Variants in DDX10 observed in about 807,000 individuals in gnomAD.
The protein encoded by DDX10 is DEAD-box helicase 10, also known as probable ATP-dependent RNA helicase DDX10.
A neutral mutation model predicts 104.3 loss-of-function variants in DDX10; 74 were observed. That is an observed-to-expected ratio of 0.71 (90% CI 0.59 to 0.86). The LOEUF (loss-of-function observed/expected upper bound fraction) is 0.86, where lower values mean the gene tolerates loss of function less well. Ranked by LOEUF, DDX10 falls within the 40% of genes least tolerant of loss-of-function variation. The pLI is 0.00. For missense variants in DDX10, 952 were observed against 1,040.0 expected, an observed-to-expected ratio of 0.92 and a Z score of 1.16; for synonymous variants, 351 against 353.4, an observed-to-expected ratio of 0.99 and a Z score of 0.08.
At chr11:108,754,356 A>T (rs1174368404) in intron 13 of DDX10, among the ~76,000 whole-genome samples, 1 of 152,002 alleles carries the variant, frequency 6.6e-6, no homozygotes, top group Non-Finnish European at 1.5e-5. Flanking sequence ...GGCAGTGCTT[A>T]ATTTTTAAGG....
At chr11:108,840,212 T>C (rs537487850) in intron 14 of DDX10, among the ~76,000 whole-genome samples, 2 of 152,300 alleles carry the variant, frequency 1.3e-5, no homozygotes, top group South Asian at 2.1e-4. Context: ...CTCAGTGATA[T>C]TTATCAACCC....
At chr11:108,676,814 T>C (rs568045713) in intron 3 of DDX10, among the ~76,000 whole-genome samples, 1 of 152,318 alleles carries the variant, frequency 6.6e-6, no homozygotes, top group Admixed American at 6.5e-5. Flanking sequence ...GTCTTTGGGT[T>C]GTACATACCT....
At chr11:108,853,758 C>T (rs956158731) in intron 16 of DDX10, among the ~76,000 whole-genome samples, 15 of 152,150 alleles carry the variant, frequency 9.9e-5, no homozygotes, top group African/African-American at 3.4e-4. Flanking sequence ...ACTCTTCCTT[C>T]CATTTCCCAC....
intron 13 of DDX10, among the ~76,000 whole-genome samples, chr11:108,724,077 ATG>A (rs1295020834): frequency 6.6e-6 from 1 of 152,084 alleles, no homozygotes; most frequent in African/African-American, 2.4e-5. Context: ...TGCACAGTAA[ATG>A]TGTTTCCCCT....
chr11:108,848,607 A>G (rs972388209), intron 15 of DDX10, among the ~76,000 whole-genome samples: 1 of 152,016 alleles, frequency 6.6e-6, no homozygotes, highest in East Asian at 1.9e-4. Context: ...TACTCTCATG[A>G]GCTTATAACA....
At chr11:108,820,377 G>C (rs189274644) in intron 13 of DDX10, among the ~76,000 whole-genome samples, 2 of 152,202 alleles carry the variant, frequency 1.3e-5, no homozygotes, top group Non-Finnish European at 2.9e-5. Flanking sequence ...GCCAGGATCA[G>C]GTAGGGGAAG....
intron 16 of DDX10, among the ~76,000 whole-genome samples, chr11:108,907,721 A>G (rs2134654664): frequency 6.6e-6 from 1 of 152,324 alleles, no homozygotes; most frequent in Admixed American, 6.5e-5. Context: ...GTAGGGGATC[A>G]AAGTTGGGGT....
intron 13 of DDX10, among the ~76,000 whole-genome samples, chr11:108,816,874 G>C (rs1260819820): frequency 6.6e-6 from 1 of 152,002 alleles, no homozygotes; most frequent in South Asian, 2.1e-4. Flanking sequence ...CCTTCTAGTT[G>C]GTTTTCTTTT....
intron 13 of DDX10, among the ~76,000 whole-genome samples, chr11:108,744,132 T>C (rs1342471563): frequency 1.3e-5 from 2 of 152,192 alleles, no homozygotes; most frequent in East Asian, 1.9e-4. Flanking sequence ...TTTATACTTA[T>C]ATTCCCATTA....
At chr11:108,920,305 A>G (rs534608622) in intron 17 of DDX10, 1 of 152,322 alleles carries the variant, frequency 6.6e-6, no homozygotes, top group South Asian at 2.1e-4. Context: ...TTATATGAAA[A>G]TTAAAACAGT....
At chr11:108,840,541 G>A (rs961551562) in intron 14 of DDX10, among the ~76,000 whole-genome samples, 11 of 152,202 alleles carry the variant, frequency 7.2e-5, no homozygotes, top group African/African-American at 1.7e-4. Flanking sequence ...AATTTATTTC[G>A]CATTACATAG....
chr11:108,925,607 G>A (rs1863898122), intron 17 of DDX10, among the ~76,000 whole-genome samples: 1 of 152,130 alleles, frequency 6.6e-6, no homozygotes, highest in Admixed American at 6.5e-5. Flanking sequence ...CCTAATGACT[G>A]CAAACTTTCT....
At chr11:108,829,791 C>T (rs193263622) in intron 13 of DDX10, among the ~76,000 whole-genome samples, 1 of 152,256 alleles carries the variant, frequency 6.6e-6, no homozygotes, top group Non-Finnish European at 1.5e-5. Flanking sequence ...GTTTCATTCT[C>T]CTACATGTGG....
intron 11 of DDX10, 34 bp downstream of exon 11, chr11:108,716,000 C>G: frequency 9.0e-7 from 1 of 1,115,730 alleles, no homozygotes; most frequent in Non-Finnish European, 1.4e-6. Context: ...CTTTCATTGA[C>G]TGGAAAAACA....
intron 7 of DDX10, chr11:108,690,907 C>A (rs1182942073): frequency 6.4e-6 from 1 of 155,928 alleles, no homozygotes; most frequent in Non-Finnish European, 1.4e-5. Flanking sequence ...TCTGTGGTTT[C>A]CAATTCCTTG....
rs1862742654 is a variant in DDX10, at chr11:108,848,120, C to T, written c.2248-4033C>T. Among the ~76,000 whole-genome samples, 2 of 152,046 alleles carry T rather than the reference C, an allele frequency of 1.3e-5. 1 individual carries two copies. The highest frequency in any genetic ancestry group is 4.2e-4 in the South Asian group (2 of 4,806). On this transcript the variant is annotated intron_variant, in intron 15 of 17. Coordinates refer to ENST00000322536, the MANE Select transcript of DDX10 (RefSeq NM_004398.4). The stretch of plus-strand genomic sequence containing the variant: ...AAATAATGGAGATTTTTCATGTTTC[C>T]AGAACAAGGTCATTGATCTCTAATA...
In DDX10 at chr11:108,665,333, TGAAAA is replaced by T; in HGVS notation, c.182_186del (p.Glu61AspfsTer5). ...GTATCAGCCGCCTCATGCAGAACTA[TGAAAA>T]GGTGAGGCCGGCGCTGGGGAGGGGG... On this transcript the variant is annotated frameshift_variant and splice_region_variant, in exon 1 of 18. Transcript: ENST00000322536. LOFTEE classifies it high-confidence loss of function. The T allele has an allele frequency of 6.3e-7, 1 of 1,579,430 alleles. No homozygotes were observed. Among genetic ancestry groups the T allele is most frequent in the Non-Finnish European group, 8.6e-7 (1 of 1,163,864 alleles).
chr11:108,881,719 G>C (rs1275648781), intron 16 of DDX10, among the ~76,000 whole-genome samples: 1 of 152,086 alleles, frequency 6.6e-6, no homozygotes, highest in East Asian at 1.9e-4. Context: ...TTTAGGGTAG[G>C]GTGGGCTAAG....
chr11:108,739,611 A>C (rs2094322647), intron 13 of DDX10, among the ~76,000 whole-genome samples: 1 of 152,212 alleles, frequency 6.6e-6, no homozygotes, highest in Non-Finnish European at 1.5e-5. Context: ...AAGCTTTTCC[A>C]TTCAAATCTG....
Sources: allele counts gnomAD v4.1 joint callset (sites outside exome capture counted in the v4.1 genomes callset), GRCh38; gene constraint gnomAD v4.1.1; transcripts MANE v1.5; gene names NCBI Gene and HGNC (gene_info 2026-07-23, HGNC 2026-07-21).